Variants in PDE1C observed in about 807,000 individuals in gnomAD.
PDE1C encodes the protein dual specificity calcium/calmodulin-dependent 3',5'-cyclic nucleotide phosphodiesterase 1C.
A neutral mutation model predicts 93.1 loss-of-function variants in PDE1C; 62 were observed. The ratio of observed to expected loss-of-function variants is 0.67; its 90% CI spans 0.54 to 0.82. PDE1C has a LOEUF of 0.82. PDE1C is among the 40% of genes least tolerant of loss of function. The pLI is 0.00. For synonymous variants in PDE1C, 325 were observed against 310.1 expected (o/e 1.05, Z -0.50); for missense variants, 742 against 884.6 (o/e 0.84, Z 2.04).
intron 2 of PDE1C, among the ~76,000 whole-genome samples, chr7:31,966,599 C>T (rs931185704): frequency 2.6e-5 from 4 of 152,176 alleles, no homozygotes; most frequent in Non-Finnish European, 4.4e-5. Context: ...CAGCTCTGCA[C>T]CAAGCAGACC....
At chr7:31,888,271 A>C (rs987378099) in intron 2 of PDE1C, among the ~76,000 whole-genome samples, 13 of 149,614 alleles carry the variant, frequency 8.7e-5, no homozygotes, top group African/African-American at 2.7e-4. Flanking sequence ...AAAAAAAAAA[A>C]AAGAAAAGGA....
intron 1 of PDE1C, among the ~76,000 whole-genome samples, chr7:32,280,457 G>A (rs2159237): frequency 0.27 from 40,363 of 151,966 alleles, 5,650 homozygotes; most frequent in East Asian, 0.46. Flanking sequence ...TTGTATTAAT[G>A]TAATTACTAA....
chr7:32,033,590 G>A (rs1218553605), intron 2 of PDE1C, among the ~76,000 whole-genome samples: 2 of 152,070 alleles, frequency 1.3e-5, no homozygotes, highest in African/African-American at 4.8e-5. Flanking sequence ...TCCTGACCTT[G>A]TATCTTCACC....
the PDE1C span, among the ~76,000 whole-genome samples, chr7:31,716,554 T>C: frequency 2.0e-5 from 3 of 152,230 alleles, no homozygotes; most frequent in Non-Finnish European, 2.9e-5. Context: ...CATAAATTAT[T>C]GTGCAATAAT....
intron 1 of PDE1C, among the ~76,000 whole-genome samples, chr7:32,265,514 A>G (rs1270003145): frequency 6.6e-6 from 1 of 152,232 alleles, no homozygotes; most frequent in East Asian, 1.9e-4. Flanking sequence ...GAGTAAAGCC[A>G]ACACAAAAGA....
At chr7:31,835,421 G>A (rs115360694) in intron 11 of PDE1C, among the ~76,000 whole-genome samples, 1,644 of 152,180 alleles carry the variant, frequency 0.011, 30 homozygotes, top group African/African-American at 0.037. Context: ...AGTCCCCTTT[G>A]AGAATTACTC....
At chr7:32,371,060 G>C (rs1489492620) in intron 1 of PDE1C, among the ~76,000 whole-genome samples, 3 of 149,920 alleles carry the variant, frequency 2.0e-5, no homozygotes, top group Non-Finnish European at 4.4e-5. Context: ...TATAGACACT[G>C]CCTGCCTCCC....
chr7:32,392,829 T>C (rs1784774651), intron 1 of PDE1C, among the ~76,000 whole-genome samples: 1 of 151,832 alleles, frequency 6.6e-6, no homozygotes, highest in African/African-American at 2.4e-5. Context: ...GACGGGCAGA[T>C]CACAAGGTCA....
At chr7:31,893,754 A>G (rs1798924747) in intron 2 of PDE1C, among the ~76,000 whole-genome samples, 1 of 152,022 alleles carries the variant, frequency 6.6e-6, no homozygotes, top group Admixed American at 6.6e-5. Context: ...AGCCACAAAC[A>G]CTGTTGAATC....
At chr7:32,244,806 C>T (rs1324999815) in intron 1 of PDE1C, among the ~76,000 whole-genome samples, 1 of 152,122 alleles carries the variant, frequency 6.6e-6, no homozygotes, top group Non-Finnish European at 1.5e-5. Context: ...TTCTCCTGGA[C>T]ATCACTGCCC....
chr7:32,209,350 T>A (rs1805841496), intron 2 of PDE1C: 3 of 723,874 alleles, frequency 4.1e-6, no homozygotes, highest in Non-Finnish European at 6.8e-6. Context: ...TCAAGTGGGA[T>A]GTTAACCAGA....
intron 2 of PDE1C, among the ~76,000 whole-genome samples, chr7:32,207,255 C>T (rs1030021746): frequency 5.9e-5 from 9 of 152,076 alleles, no homozygotes; most frequent in African/African-American, 2.2e-4. Context: ...CCCCGCCAAT[C>T]CCCGTCGTGC....
the PDE1C span, among the ~76,000 whole-genome samples, chr7:31,640,333 C>T: frequency 6.6e-6 from 1 of 152,302 alleles, no homozygotes; most frequent in Middle Eastern, 3.4e-3. Flanking sequence ...GGTGGTTTCT[C>T]ACATGCATGA....
chr7:32,335,348 G>A lies in PDE1C; in HGVS notation c.310+92474C>T, dbSNP rs116961943. Among the ~76,000 whole-genome samples, 71 of 152,300 alleles carry A rather than the reference G, an allele frequency of 4.7e-4. 1 individual carries two copies. In the East Asian group the frequency reaches 0.014, roughly 29 times the overall value. On this transcript the variant is annotated intron_variant, in intron 1 of 1. Coordinates refer to the PDE1C transcript ENST00000672256. ...CTCTCCCATCTCTAAGGCCCAGAAG[G>A]CTCTGTGAAGCTTGCTTAGAGTTCT...
At position 32,358,897 on chromosome 7, in the gene PDE1C, C is replaced by CTGTGTGTGTGTGTG. The variant is rs71559224; in HGVS notation, c.310+68911_310+68924dup. Among the ~76,000 whole-genome samples the CTGTGTGTGTGTGTG allele has an allele frequency of 4.7e-3, 689 of 145,382 alleles. 6 individuals carry two copies. The highest frequency in any genetic ancestry group is 0.011 in the Middle Eastern group (3 of 284). On this transcript the variant is annotated intron_variant, in intron 1 of 1. Coordinates refer to the PDE1C transcript ENST00000672256. ...CATCTAACATTGTGTGTGTGTGTGTCTGTGTGTGTGTGTGTGTGTAACAGT... is the reference window on the plus strand; with the variant it reads ...CATCTAACATTGTGTGTGTGTGTGTCTGTGTGTGTGTGTGTGTGTGTGTGTGTGTGTGTAACAGT...
chr7:31,652,608 T>C, the PDE1C span: 1 of 1,613,442 alleles, frequency 6.2e-7, no homozygotes, highest in Non-Finnish European at 8.5e-7. Flanking sequence ...GCAGACTTCA[T>C]GTTCTAAAAT....
the PDE1C span, among the ~76,000 whole-genome samples, chr7:31,620,228 C>G: frequency 4.6e-5 from 7 of 152,134 alleles, no homozygotes; most frequent in Non-Finnish European, 1.0e-4. Context: ...ACTTAAATGT[C>G]CCTGTCTGAC....
chr7:32,265,140 G>A (rs531876428), intron 1 of PDE1C, among the ~76,000 whole-genome samples: 2 of 152,326 alleles, frequency 1.3e-5, no homozygotes, highest in African/African-American at 4.8e-5. Flanking sequence ...CAAAAGGGAA[G>A]GGAATTTATT....
At chr7:31,928,586 C>T (rs1047362289) in intron 2 of PDE1C, among the ~76,000 whole-genome samples, 4 of 152,148 alleles carry the variant, frequency 2.6e-5, no homozygotes, top group Non-Finnish European at 4.4e-5. Context: ...GTGGATCTCT[C>T]AGAAGAAACC....
Sources: gnomAD v4.1 joint callset for allele counts (sites outside exome capture counted in the v4.1 genomes callset) on GRCh38, gnomAD v4.1.1 for gene constraint, MANE v1.5 for transcripts, NCBI Gene and HGNC (gene_info 2026-07-23, HGNC 2026-07-21) for gene names.